Variants in SKAP1 observed in about 807,000 individuals in gnomAD.
SKAP1 encodes src kinase associated phosphoprotein 1, also known as src kinase-associated phosphoprotein 1.
SKAP1 carries 44 observed loss-of-function variants against 58.5 expected under a neutral mutation model. The observed-to-expected ratio is 0.75, with a 90% CI of 0.59 to 0.97. SKAP1 has a LOEUF of 0.97. SKAP1 is among the 50% of genes least tolerant of loss of function. The pLI, the probability that SKAP1 is intolerant of heterozygous loss-of-function variation, is 0.00. For synonymous variants in SKAP1, 127 were observed against 149.7 expected (o/e 0.85, Z 1.11); for missense variants, 390 against 435.2 (o/e 0.90, Z 0.92).
chr17:48,328,396 A>G (rs1199659258), intron 4 of SKAP1, among the ~76,000 whole-genome samples: 3 of 152,190 alleles, frequency 2.0e-5, no homozygotes, highest in Non-Finnish European at 4.4e-5. Flanking sequence ...GAGGGCCTAT[A>G]TGACTTAATG....
At chr17:48,259,455 T>C (rs2065462842) in intron 4 of SKAP1, among the ~76,000 whole-genome samples, 1 of 152,138 alleles carries the variant, frequency 6.6e-6, no homozygotes, top group Non-Finnish European at 1.5e-5. Context: ...ACATACATTG[T>C]TTTTTAAAAT....
At chr17:48,245,552 C>G (rs2065286868) in intron 4 of SKAP1, among the ~76,000 whole-genome samples, 1 of 152,172 alleles carries the variant, frequency 6.6e-6, no homozygotes, top group Admixed American at 6.5e-5. Flanking sequence ...GAAGACAGCA[C>G]TTACTATAAT....
chr17:48,167,588 A>C (rs946796659), intron 10 of SKAP1, among the ~76,000 whole-genome samples: 1 of 152,144 alleles, frequency 6.6e-6, no homozygotes, highest in South Asian at 2.1e-4. Context: ...CCCTCCTAAA[A>C]GCAATCATTT....
chr17:48,430,004 G>C, intron 1 of SKAP1, 71 bp downstream of exon 1: 1 of 1,200,248 alleles, frequency 8.3e-7, no homozygotes, highest in Non-Finnish European at 1.1e-6. Context: ...AGAAAGCCTG[G>C]CCGTGGGAGG....
chr17:48,425,973 G>A (rs1003894023), intron 1 of SKAP1, among the ~76,000 whole-genome samples: 7 of 152,150 alleles, frequency 4.6e-5, no homozygotes, highest in African/African-American at 1.7e-4. Context: ...GAAGATAGCC[G>A]TAGACTGGTT....
intron 4 of SKAP1, among the ~76,000 whole-genome samples, chr17:48,223,622 A>G (rs573438711): frequency 6.6e-6 from 1 of 152,354 alleles, no homozygotes; most frequent in East Asian, 1.9e-4. Context: ...TAAGCACAGA[A>G]ATGCCTGCAA....
At chr17:48,287,361 CA>C (rs2065843768) in intron 4 of SKAP1, among the ~76,000 whole-genome samples, 1 of 151,570 alleles carries the variant, frequency 6.6e-6, no homozygotes, top group African/African-American at 2.4e-5. Context: ...AGGGTAATTA[CA>C]TTTTTTTTTA....
In SKAP1 at chr17:48,197,257, C is replaced by CAAAAAAAA. The variant is rs35979686; in HGVS notation, c.281-7765_281-7758dup. ...TAGGTGATAGAGCGAGACTCCGACT[C>CAAAAAAAA]AAAAAAAAAAAAAAAAAAAATGCTG... On this transcript the variant is annotated intron_variant, in intron 4 of 12. Coordinates refer to ENST00000336915, the MANE Select transcript of SKAP1 (RefSeq NM_003726.4). Among the ~76,000 whole-genome samples, 3 of 97,582 alleles carry CAAAAAAAA rather than the reference C, an allele frequency of 3.1e-5. 1 individual carries two copies. The highest frequency in any genetic ancestry group is 5.9e-5 in the Non-Finnish European group (3 of 50,522). 64.0% of individuals were successfully genotyped at this position (97,582 alleles called of 152,430 possible).
At chr17:48,250,217 CAT>C (rs2065345685) in intron 4 of SKAP1, among the ~76,000 whole-genome samples, 1 of 140,212 alleles carries the variant, frequency 7.1e-6, no homozygotes, top group African/African-American at 2.7e-5. Flanking sequence ...TAATATAAAA[CAT>C]ATTATGAAAT....
intron 4 of SKAP1, among the ~76,000 whole-genome samples, chr17:48,304,987 GGCAATATAGTATAGT>G (rs1480902216): frequency 3.3e-5 from 5 of 152,064 alleles, no homozygotes; most frequent in Non-Finnish European, 7.4e-5. Flanking sequence ...TATATTGAGA[GGCAATATAGTATAGT>G]GCAGGGATTG....
the SKAP1 span, among the ~76,000 whole-genome samples, chr17:48,442,224 T>C: frequency 6.6e-6 from 1 of 152,102 alleles, no homozygotes; most frequent in Non-Finnish European, 1.5e-5. Context: ...TGTGAGGTGG[T>C]GTCAATTACA....
chr17:48,443,508 C>T, the SKAP1 span, among the ~76,000 whole-genome samples: 2 of 151,482 alleles, frequency 1.3e-5, no homozygotes, highest in Non-Finnish European at 3.0e-5. Context: ...CAGAGTCTTG[C>T]TCTGTCACCC....
intron 9 of SKAP1, among the ~76,000 whole-genome samples, chr17:48,171,844 T>C (rs1482537630): frequency 6.6e-6 from 1 of 151,646 alleles, no homozygotes; most frequent in African/African-American, 2.4e-5. Context: ...GGGCAGATCA[T>C]GAGGTCAGGA....
At chr17:48,437,017 T>G in the SKAP1 span, among the ~76,000 whole-genome samples, 1 of 152,346 alleles carries the variant, frequency 6.6e-6, no homozygotes, top group Non-Finnish European at 1.5e-5. Flanking sequence ...CTTCTAGTCA[T>G]AGGTATTCGC....
the SKAP1 span, among the ~76,000 whole-genome samples, chr17:48,437,360 C>T: frequency 6.6e-5 from 10 of 152,244 alleles, no homozygotes; most frequent in South Asian, 2.1e-4. Flanking sequence ...GATTCCTCAT[C>T]GGTAAATTGG....
intron 3 of SKAP1, among the ~76,000 whole-genome samples, chr17:48,357,498 C>T (rs1313328528): frequency 1.3e-5 from 2 of 151,930 alleles, no homozygotes; most frequent in African/African-American, 4.8e-5. Flanking sequence ...GGCGTGGTGG[C>T]GGGCGCCTGT....
intron 2 of SKAP1, among the ~76,000 whole-genome samples, chr17:48,376,909 G>C (rs1440891181): frequency 6.6e-6 from 1 of 152,142 alleles, no homozygotes; most frequent in East Asian, 1.9e-4. Flanking sequence ...GGGAGGATTC[G>C]AGATCAGAGA....
chr17:48,379,256 A>T (rs2067185485), intron 2 of SKAP1, among the ~76,000 whole-genome samples: 1 of 152,218 alleles, frequency 6.6e-6, no homozygotes, highest in South Asian at 2.1e-4. Flanking sequence ...ATATAAATAC[A>T]ATCAATTTGT....
At chr17:48,153,201 G>T (rs188149989) in intron 11 of SKAP1, among the ~76,000 whole-genome samples, 2 of 152,194 alleles carry the variant, frequency 1.3e-5, no homozygotes, top group African/African-American at 4.8e-5. Context: ...AATGGTCAGG[G>T]TTTGCAGGAT....
Sources: gnomAD v4.1 joint callset for allele counts (sites outside exome capture counted in the v4.1 genomes callset) on GRCh38, gnomAD v4.1.1 for gene constraint, MANE v1.5 for transcripts, NCBI Gene and HGNC (gene_info 2026-07-23, HGNC 2026-07-21) for gene names.